EP300: variants seen among roughly 807,000 people sequenced by gnomAD.
EP300 encodes the protein EP300 lysine acetyltransferase.
EP300 carries 31 observed loss-of-function variants against 264.0 expected under a neutral mutation model. The ratio of observed to expected loss-of-function variants is 0.12; its 90% CI spans 0.09 to 0.16. EP300 has a LOEUF of 0.16. EP300 is among the 10% of genes least tolerant of loss of function. The pLI is 1.00. For missense variants in EP300, 2,766 were observed against 3,052.9 expected (o/e 0.91, Z 2.21); for synonymous variants, 1,340 against 1,045.4 (o/e 1.28, Z -5.44).
chr22:41,105,354 C>CAA (rs111775923), intron 1 of EP300, among the ~76,000 whole-genome samples: 1,636 of 144,098 alleles, frequency 0.011, 33 homozygotes, highest in African/African-American at 0.037. Flanking sequence ...AACTGCATCT[C>CAA]AAAAAAAAAA....
chr22:41,170,351 C>A (rs1219037740), intron 26 of EP300, 55 bp from the exon 27 acceptor site: 2 of 1,540,112 alleles, frequency 1.3e-6, no homozygotes, highest in Non-Finnish European at 1.8e-6. Flanking sequence ...TAAAATGTAG[C>A]CTTCTAGAAT....
At chr22:41,097,543 A>T (rs2145672310) in intron 1 of EP300, among the ~76,000 whole-genome samples, 1 of 152,348 alleles carries the variant, frequency 6.6e-6, no homozygotes, top group Admixed American at 6.5e-5. Context: ...AAGAGTAGGA[A>T]GAGTGTTGCA....
Position 41,170,515 on chromosome 22 carries a change from T to G in EP300, c.4396T>G (p.Trp1466Gly), listed in dbSNP as rs2059163250. Residue 1466 changes from tryptophan (W) to glycine (G), a missense_variant, in exon 27 of 31, where the codon TGG (tryptophan) becomes GGG (glycine). Transcript: ENST00000263253. The stretch of plus-strand genomic sequence containing the variant: ...ACCCAAGCCCAAGCGACTGCAGGAA[T>G]GGTACAAAAAAATGCTTGACAAGGC... ...KIPKPKRLQE[W>G]YKKMLDKAVS... 6.2e-7 allele frequency: 1 copy of G among 1,614,048 alleles called. No homozygotes were observed. Among genetic ancestry groups the G allele is most frequent in the Non-Finnish European group, 8.5e-7 (1 of 1,180,002 alleles).
In EP300 at chr22:41,105,242, C is replaced by A. The variant is rs770466926; in HGVS notation, c.95-11945C>A. ...AAAAAGCCGGGCGTGGTGGCAGGCG[C>A]CTGTAGTCCCAGCTACTCGGGAGGC... On this transcript the variant is annotated intron_variant, in intron 1 of 30. Coordinates refer to ENST00000263253, the MANE Select transcript of EP300 (RefSeq NM_001429.4). Among the ~76,000 whole-genome samples, 127 of 147,302 alleles carry A rather than the reference C, an allele frequency of 8.6e-4. 3 individuals carry two copies. Among genetic ancestry groups the A allele is most frequent in the Non-Finnish European group, 4.6e-4 (31 of 67,026 alleles).
chr22:41,151,789 G>T (rs2059046935), intron 14 of EP300, 44 bp from the exon 15 acceptor site: 1 of 1,592,912 alleles, frequency 6.3e-7, no homozygotes, highest in South Asian at 1.1e-5. Context: ...ATCGTTGGCA[G>T]ACTCTGCGTG....
chr22:41,142,226 T>C (rs2058986718), intron 10 of EP300, among the ~76,000 whole-genome samples: 2 of 152,314 alleles, frequency 1.3e-5, no homozygotes, highest in African/African-American at 2.4e-5. Context: ...GAAATGCTAA[T>C]GACCTCTAAG....
chr22:41,095,045 T>C (rs2058694583), intron 1 of EP300, among the ~76,000 whole-genome samples: 2 of 152,090 alleles, frequency 1.3e-5, no homozygotes, highest in Admixed American at 6.6e-5. Context: ...GAGTTTATCT[T>C]AGTTACTTTT....
At chr22:41,151,003 T>C (rs572968132) in intron 14 of EP300, among the ~76,000 whole-genome samples, 2 of 151,998 alleles carry the variant, frequency 1.3e-5, no homozygotes, top group Non-Finnish European at 2.9e-5. Context: ...TTGTGAGAGG[T>C]TGGTTATGTA....
At chr22:41,134,094 A>G (rs1427891563) in intron 6 of EP300, among the ~76,000 whole-genome samples, 3 of 146,194 alleles carry the variant, frequency 2.1e-5, no homozygotes, top group Non-Finnish European at 4.5e-5. Flanking sequence ...CTATTTTAAT[A>G]TTCTTTAGAT....
At chr22:41,161,713 G>A (rs972239879) in intron 20 of EP300, among the ~76,000 whole-genome samples, 11 of 152,198 alleles carry the variant, frequency 7.2e-5, no homozygotes, top group African/African-American at 2.2e-4. Context: ...ACTGTTCAGT[G>A]TAATTTTAAT....
chr22:41,105,462 A>G (rs1302186560), intron 1 of EP300, among the ~76,000 whole-genome samples: 2 of 151,496 alleles, frequency 1.3e-5, no homozygotes, highest in Non-Finnish European at 2.9e-5. Flanking sequence ...GCAGTGGTGC[A>G]GTCTCCACTC....
intron 22 of EP300, among the ~76,000 whole-genome samples, chr22:41,165,959 A>G (rs1232651138): frequency 1.3e-5 from 2 of 148,244 alleles, no homozygotes; most frequent in East Asian, 4.1e-4. Flanking sequence ...CAATTCTTGT[A>G]TTTTTACTAG....
In EP300 at chr22:41,155,250, CAG is replaced by C. The variant is rs1037827812; in HGVS notation, c.3261+138_3261+139del. On this transcript the variant is annotated intron_variant, in intron 17 of 30. Transcript: ENST00000263253. ...TGATTTTTTTTTTTTCCCCCTGAGA[CAG>C]GGTCTTATTCTGGTTGCCTAGGCTG... 8 of 793,468 alleles carry C rather than the reference CAG, an allele frequency of 1.0e-5. No individual in the cohort carries two copies. In the African/African-American group the frequency reaches 1.4e-4, roughly 14 times the overall value. The allele number at this position is 793,468 out of a possible 1,614,324, so 49.2% of individuals were successfully genotyped here.
At chr22:41,172,740 T>C (rs532896574) in intron 28 of EP300, 77 bp downstream of exon 28, 1 of 1,497,160 alleles carries the variant, frequency 6.7e-7, no homozygotes, top group Admixed American at 1.9e-5. Context: ...AAACTTTCAA[T>C]TGGGTTTTAA....
rs944102798 is a variant in EP300, at chr22:41,092,691, A to G, written c.-314A>G. On this transcript the variant is annotated 5_prime_UTR_variant, in exon 1 of 31. Transcript: ENST00000263253. ...AGGGGCCGGCCGTGGCGGGCCGGGG[A>G]CTGCGCCTCTAGAGCCGCGAGTTCT... 4.9e-6 allele frequency: 3 copies of G among 614,876 alleles called. No individual in the cohort carries two copies. Among genetic ancestry groups the G allele is most frequent in the Admixed American group, 6.1e-5 (2 of 32,904 alleles). 38.1% of individuals were successfully genotyped at this position (614,876 alleles called of 1,614,324 possible). A position where few individuals can be genotyped will look rare whatever the true frequency, so the allele number is the denominator to read the frequency against.
chr22:41,158,250 G>A (rs1156908225), intron 18 of EP300, among the ~76,000 whole-genome samples, 162 bp from the exon 19 acceptor site: 1 of 152,156 alleles, frequency 6.6e-6, no homozygotes, highest in Non-Finnish European at 1.5e-5. Context: ...GAAATAATGT[G>A]GTAGTAAACT....
At position 41,179,876 on chromosome 22, in the gene EP300, CCACTCACACACACA is replaced by C. The variant is rs772706624; in HGVS notation, c.*924_*937del. The C allele has an allele frequency of 9.1e-5, 12 of 131,490 alleles. No homozygotes were observed. Among genetic ancestry groups the C allele is most frequent in the African/African-American group, 2.5e-4 (7 of 28,028 alleles). 8.1% of individuals were successfully genotyped at this position (131,490 alleles called of 1,614,324 possible). A position where few individuals can be genotyped will look rare whatever the true frequency, so the allele number is the denominator to read the frequency against. ...GCTTTCTTCCTCCTTACCCTACCCC[CCACTCACACACACA>C]CACACACACACACACACACACACAC... On this transcript the variant is annotated 3_prime_UTR_variant, in exon 31 of 31. Coordinates refer to ENST00000263253, the MANE Select transcript of EP300 (RefSeq NM_001429.4).
In EP300 at chr22:41,178,798, C is replaced by T. The variant is rs1294668388; in HGVS notation, c.7087C>T (p.His2363Tyr). Residue 2363 changes from histidine to tyrosine, a missense_variant, in exon 31 of 31, where the codon CAT (histidine) becomes TAT (tyrosine). Transcript: ENST00000263253. ...CCAGGCCAACCCCATGGAACAAGGG[C>T]ATTTTGCCAGCCCGGACCAGAATTC... Reference protein sequence around the residue: ...AAQANPMEQGHFASPDQNSML... With the variant: ...AAQANPMEQGYFASPDQNSML... 2.5e-6 allele frequency: 4 copies of T among 1,614,052 alleles called. No homozygotes were observed. The highest frequency in any genetic ancestry group is 3.4e-6 in the Non-Finnish European group (4 of 1,180,048).
At chr22:41,136,125 A>T (rs2058949244) in intron 7 of EP300, among the ~76,000 whole-genome samples, 1 of 152,174 alleles carries the variant, frequency 6.6e-6, no homozygotes, top group South Asian at 2.1e-4. Flanking sequence ...GTTCTGGTTA[A>T]AGCAATTCTC....
Sources: allele counts gnomAD v4.1 joint callset (sites outside exome capture counted in the v4.1 genomes callset), GRCh38; gene constraint gnomAD v4.1.1; transcripts MANE v1.5; gene names NCBI Gene and HGNC (gene_info 2026-07-23, HGNC 2026-07-21).